The following HTR2A variants were observed in gnomAD, a reference collection of about 807,000 sequenced individuals.
The protein encoded by HTR2A is 5-hydroxytryptamine receptor 2A, also known as 5-HT2 receptor.
HTR2A carries 14 observed loss-of-function variants against 31.0 expected under a neutral mutation model. The ratio of observed to expected loss-of-function variants is 0.45; its 90% CI spans 0.30 to 0.71. The LOEUF (loss-of-function observed/expected upper bound fraction) is 0.71, where lower values mean the gene tolerates loss of function less well. Ranked by LOEUF, HTR2A falls within the 30% of genes least tolerant of loss-of-function variation. HTR2A has a pLI of 0.09. For missense variants in HTR2A, 442 were observed against 573.3 expected (o/e 0.77, Z 2.34); for synonymous variants, 209 against 225.2 (o/e 0.93, Z 0.64).
At position 46,895,519 on chromosome 13, in the gene HTR2A, C is replaced by T. The variant is rs550284437; in HGVS notation, c.388G>A (p.Val130Met). ...DMLLGFLVMP[V>M]SMLTILYGYR... is the part of the protein sequence containing the mutation. ...CCATACAGGATGGTTAACATGGACA[C>T]GGGCATGACAAGGAAACCCAGCAGC... is the stretch of plus-strand genomic sequence containing the variant. Residue 130 changes from valine to methionine, a missense_variant, in exon 2 of 4, where the codon GTG becomes ATG. Val to Met is a conservative substitution (Grantham distance 21, BLOSUM62 1). Around this residue, in one of 5 missense-constraint regions of HTR2A, gnomAD observed 86 missense variants for 179.1 expected, o/e 0.48. Transcript: ENST00000542664. This position sits in a 1 kb window ranked among gnomAD's most constrained non-coding sequence, Gnocchi z 4.4. 6.2e-6 allele frequency: 10 copies of T among 1,613,924 alleles called. No individual in the cohort carries two copies. The highest frequency in any genetic ancestry group is 7.6e-6 in the Non-Finnish European group (9 of 1,179,906).
chr13:46,895,308 ACTGT>A lies in HTR2A; in HGVS notation c.412+183_412+186del. ...ACTCTCCAGTGATCACAGGTCATAG[ACTGT>A]CTGATTTTTATGTGAAATCCCATTT... On this transcript the variant is annotated intron_variant, in intron 2 of 3. Coordinates refer to ENST00000542664, the MANE Select transcript of HTR2A (RefSeq NM_000621.5). This position sits in a 1 kb window ranked among gnomAD's most constrained non-coding sequence, Gnocchi z 4.4. The A allele has an allele frequency of 1.7e-6, 1 of 595,200 alleles. No homozygotes were observed. Among genetic ancestry groups the A allele is most frequent in the East Asian group, 2.9e-5 (1 of 34,906 alleles). The allele number at this position is 595,200 out of a possible 1,614,324, so 36.9% of individuals were successfully genotyped here.
chr13:46,851,134 G>C (rs910416390), intron 3 of HTR2A, among the ~76,000 whole-genome samples: 5 of 152,074 alleles, frequency 3.3e-5, no homozygotes, highest in African/African-American at 1.2e-4. Context: ...ACTGAGCCTG[G>C]GTGTACAAAC....
At chr13:46,883,300 G>A (rs1042847202) in intron 3 of HTR2A, among the ~76,000 whole-genome samples, 2 of 133,332 alleles carry the variant, frequency 1.5e-5, no homozygotes, top group African/African-American at 2.7e-5. Flanking sequence ...ACAGCTTGAG[G>A]GGAATGGCCC....
At chr13:46,889,364 C>T (rs73175530) in intron 3 of HTR2A, among the ~76,000 whole-genome samples, 7,271 of 152,138 alleles carry the variant, frequency 0.048, 188 homozygotes, top group Middle Eastern at 0.082. Context: ...AGAAATGTAA[C>T]TTAAAATACT....
At chr13:46,856,487 A>T (rs898358895) in intron 3 of HTR2A, among the ~76,000 whole-genome samples, 2 of 152,128 alleles carry the variant, frequency 1.3e-5, no homozygotes, top group African/African-American at 2.4e-5. Context: ...CTATCCCTAC[A>T]CTTGGGATGC....
chr13:46,891,893 G>A (rs74071700), intron 3 of HTR2A, among the ~76,000 whole-genome samples: 1,608 of 152,282 alleles, frequency 0.011, 33 homozygotes, highest in African/African-American at 0.037. Context: ...ACACTGGGTC[G>A]GACTGAAAAG....
At chr13:46,863,630 G>GGAAAAAAAAAAAAAAAA (rs1950796722) in intron 3 of HTR2A, among the ~76,000 whole-genome samples, 1 of 59,254 alleles carries the variant, frequency 1.7e-5, no homozygotes, top group Non-Finnish European at 2.9e-5. Flanking sequence ...CCCTCAAAAT[G>GGAAAAAAAAAAAAAAAA]AAAAAAAAAA....
Position 46,832,015 on chromosome 13 carries a change from A to G in HTR2A, c.*2822T>C, listed in dbSNP as rs564715461. The G allele has an allele frequency of 2.6e-5, 4 of 152,350 alleles. No individual in the cohort carries two copies. The East Asian group carries it at 7.7e-4, about 29-fold the overall frequency. 9.4% of individuals were successfully genotyped at this position (152,350 alleles called of 1,614,324 possible). Reference sequence around the variant, plus strand: ...TAGGTGTGAGTCTGTTTAAAAAGCCATAGTAGTCAGAAAATTGCCAGACTA... The same window carrying G: ...TAGGTGTGAGTCTGTTTAAAAAGCCGTAGTAGTCAGAAAATTGCCAGACTA... On this transcript the variant is annotated 3_prime_UTR_variant, in exon 4 of 4. Coordinates refer to ENST00000542664, the MANE Select transcript of HTR2A (RefSeq NM_000621.5).
In HTR2A at chr13:46,834,762, C is replaced by A; in HGVS notation, c.*75G>T. The A allele has an allele frequency of 8.3e-7, 1 of 1,207,058 alleles. No individual in the cohort carries two copies. Among genetic ancestry groups the A allele is most frequent in the Non-Finnish European group, 1.2e-6 (1 of 865,454 alleles). The allele number at this position is 1,207,058 out of a possible 1,614,324, so 74.8% of individuals were successfully genotyped here. On this transcript the variant is annotated 3_prime_UTR_variant, in exon 4 of 4. Transcript: ENST00000542664. ...CTAGACTTGTCTAATTTTTTCCAAT[C>A]TCATATTTTTTTTTTTCCAGATAGG...
At position 46,884,611 on chromosome 13, in the gene HTR2A, C is replaced by A. The variant is rs180831647; in HGVS notation, c.613+7779G>T. On this transcript the variant is annotated intron_variant, in intron 3 of 3. Transcript: ENST00000542664. ...CCTGGGAGGCGGAGCTCGCAGTGAG[C>A]CATGATTGCACCACTGCACTCCAGC... Among the ~76,000 whole-genome samples, 1,241 of 152,250 alleles carry A rather than the reference C, an allele frequency of 8.2e-3. 5 individuals are homozygous for A. The highest frequency in any genetic ancestry group is 0.014 in the Non-Finnish European group (975 of 68,024).
intron 3 of HTR2A, among the ~76,000 whole-genome samples, chr13:46,844,122 A>G (rs1321367503): frequency 6.6e-6 from 1 of 152,188 alleles, no homozygotes; most frequent in Admixed American, 6.5e-5. Context: ...TTTTCTCTAG[A>G]CATGTCATTA....
intron 3 of HTR2A, among the ~76,000 whole-genome samples, chr13:46,854,937 G>A (rs1443889788): frequency 3.3e-5 from 5 of 152,096 alleles, no homozygotes; most frequent in Non-Finnish European, 7.4e-5. Context: ...AATCCACTAC[G>A]ACTGAACTTA....
At position 46,858,990 on chromosome 13, in the gene HTR2A, ATTAC is replaced by A. The variant is rs556620951; in HGVS notation, c.614-23355_614-23352del. Among the ~76,000 whole-genome samples, 21 of 152,320 alleles carry A rather than the reference ATTAC, an allele frequency of 1.4e-4. No homozygotes were observed. The East Asian group carries it at 4.0e-3, about 29-fold the overall frequency. ...ATCCCTGCAAGGAACAGCAATTTTA[ATTAC>A]TTTCATCTGCAGTGAAGAATTTGGC... On this transcript the variant is annotated intron_variant, in intron 3 of 3. Coordinates refer to ENST00000542664, the MANE Select transcript of HTR2A (RefSeq NM_000621.5).
chr13:46,882,791 A>C (rs1950976466), intron 3 of HTR2A, among the ~76,000 whole-genome samples: 1 of 152,240 alleles, frequency 6.6e-6, no homozygotes, highest in Non-Finnish European at 1.5e-5. Flanking sequence ...ACATTTACTC[A>C]ATCTTTAACC....
rs1332655388 is a variant in HTR2A at position 46,895,821 on chromosome 13, C to G, written c.86G>C (p.Ser29Thr). ...AGCTTCTCCGGAGTTAAAGTCATTA[C>G]TGTAGAGCCTGGTGTCATCATTTAA... ...MQLNDDTRLY[S>T]NDFNSGEANT... is the part of the protein sequence containing the mutation. The change falls in exon 2 of 4, where the codon AGT becomes ACT. Residue 29 changes from serine (S) to threonine (T), a missense_variant. By Grantham distance (58) the Ser-to-Thr change is moderately conservative. This residue lies in a region of HTR2A where 83 missense variants were observed against 84.8 expected (regional missense o/e 0.98). Transcript: ENST00000542664. The surrounding 1 kb of genome is among the most constrained non-coding windows in gnomAD (Gnocchi z 4.4). 4.3e-6 allele frequency: 7 copies of G among 1,614,010 alleles called. No homozygotes were observed. The highest frequency in any genetic ancestry group is 5.9e-6 in the Non-Finnish European group (7 of 1,180,020).
At chr13:46,879,501 T>G (rs965727125) in intron 3 of HTR2A, among the ~76,000 whole-genome samples, 2 of 151,910 alleles carry the variant, frequency 1.3e-5, no homozygotes, top group African/African-American at 4.8e-5. Flanking sequence ...GAAATTAACA[T>G]AAGTTGGAGA....
At position 46,892,458 on chromosome 13, in the gene HTR2A, T is replaced by C; in HGVS notation, c.545A>G (p.His182Arg). ...DRYVAIQNPIHHSRFNSRTKA... is the reference protein window; with the variant it reads ...DRYVAIQNPIRHSRFNSRTKA... ...AGTTCTGGAGTTGAAGCGGCTGTGG[T>C]GGATGGGATTCTGGATGGCGACGTA... is the stretch of plus-strand genomic sequence containing the variant. The change falls in exon 3 of 4, where the codon CAC becomes CGC. Residue 182 changes from histidine to arginine, a missense_variant. By Grantham distance (29) the His-to-Arg change is conservative. This residue lies in a region of HTR2A where 86 missense variants were observed against 179.1 expected (regional missense o/e 0.48). Coordinates refer to ENST00000542664, the MANE Select transcript of HTR2A (RefSeq NM_000621.5). 6.2e-7 allele frequency: 1 copy of C among 1,614,172 alleles called. No individual in the cohort carries two copies. Among genetic ancestry groups the C allele is most frequent in the Non-Finnish European group, 8.5e-7 (1 of 1,180,030 alleles).
chr13:46,838,213 G>C (rs966718803), intron 3 of HTR2A, among the ~76,000 whole-genome samples: 10 of 152,200 alleles, frequency 6.6e-5, no homozygotes, highest in African/African-American at 2.4e-4. Flanking sequence ...CAGCACAGTT[G>C]CTCATTGATT....
intron 3 of HTR2A, chr13:46,856,148 A>G (rs533311079): frequency 7.2e-5 from 11 of 152,354 alleles, no homozygotes; most frequent in African/African-American, 2.4e-4. Context: ...TTCCTTGCTG[A>G]CAATATGCTC....
Sources: allele counts gnomAD v4.1 joint callset (sites outside exome capture counted in the v4.1 genomes callset), GRCh38; gene constraint gnomAD v4.1.1; regional missense constraint gnomAD v4.1.1; non-coding constraint Gnocchi (gnomAD v3.1); transcripts MANE v1.5; gene names NCBI Gene and HGNC (gene_info 2026-07-23, HGNC 2026-07-21).